The following FYN variants were observed in gnomAD, a reference collection of about 807,000 sequenced individuals.
FYN encodes tyrosine-protein kinase Fyn.
Under a neutral mutation model 70.2 loss-of-function variants are expected in FYN, and 10 were observed. The ratio of observed to expected loss-of-function variants is 0.14; its 90% CI spans 0.09 to 0.24. FYN has a LOEUF of 0.24. Among genes scored for constraint, FYN ranks in the 10% least tolerant of loss-of-function variants. The pLI is 1.00. For synonymous variants in FYN, 236 were observed against 248.6 expected (o/e 0.95, Z 0.48); for missense variants, 319 against 673.1 (o/e 0.47, Z 5.82).
At chr6:111,839,884 G>C (rs1333921152) in intron 2 of FYN, among the ~76,000 whole-genome samples, 1 of 152,112 alleles carries the variant, frequency 6.6e-6, no homozygotes, top group Non-Finnish European at 1.5e-5. Flanking sequence ...CTCTGCTCCA[G>C]ACTCGGGTGA....
intron 12 of FYN, among the ~76,000 whole-genome samples, chr6:111,687,472 C>A (rs1356427530): frequency 3.9e-5 from 6 of 151,994 alleles, no homozygotes. Flanking sequence ...ACAAACCAAC[C>A]AAAACCATAG....
intron 3 of FYN, among the ~76,000 whole-genome samples, chr6:111,771,455 A>T (rs773042554): frequency 3.3e-5 from 5 of 152,194 alleles, no homozygotes; most frequent in African/African-American, 4.8e-5. Context: ...TAACACCTTA[A>T]CCTATTAAGT....
At chr6:111,724,909 C>T (rs1801126066) in intron 3 of FYN, among the ~76,000 whole-genome samples, 1 of 152,036 alleles carries the variant, frequency 6.6e-6, no homozygotes, top group Admixed American at 6.5e-5. Context: ...AACCTAGAAA[C>T]CAAATGCAAG....
chr6:111,727,570 G>C (rs143259085), intron 3 of FYN, among the ~76,000 whole-genome samples: 11 of 152,288 alleles, frequency 7.2e-5, no homozygotes, highest in Admixed American at 2.0e-4. Flanking sequence ...AGATGTAAAA[G>C]TGGGAATATA....
At chr6:111,713,987 C>A (rs191696351) in intron 5 of FYN, among the ~76,000 whole-genome samples, 1 of 152,204 alleles carries the variant, frequency 6.6e-6, no homozygotes, top group Non-Finnish European at 1.5e-5. Flanking sequence ...GCAGAGAGCA[C>A]GAAACGTGGG....
At chr6:111,676,050 C>T (rs944888889) in intron 12 of FYN, among the ~76,000 whole-genome samples, 2 of 152,068 alleles carry the variant, frequency 1.3e-5, no homozygotes, top group African/African-American at 2.4e-5. Flanking sequence ...AAAATCAGAA[C>T]ATTTCATAGA....
chr6:111,719,722 G>T, intron 4 of FYN, 83 bp downstream of exon 4: 1 of 1,480,892 alleles, frequency 6.8e-7, no homozygotes, highest in Non-Finnish European at 9.2e-7. Flanking sequence ...TCAAAGGGAA[G>T]TGATGGGAAC....
chr6:111,854,081 T>C (rs954470696), intron 1 of FYN, among the ~76,000 whole-genome samples: 6 of 152,192 alleles, frequency 3.9e-5, no homozygotes, highest in South Asian at 2.1e-4. Context: ...TAAGCACTTG[T>C]TCAGATGTTT....
chr6:111,870,472 T>TA (rs1443819969), intron 1 of FYN, among the ~76,000 whole-genome samples: 1 of 152,226 alleles, frequency 6.6e-6, no homozygotes, highest in Non-Finnish European at 1.5e-5. Context: ...GCCTAATTGA[T>TA]ACAGGTGTTG....
intron 3 of FYN, among the ~76,000 whole-genome samples, chr6:111,729,902 C>CT (rs755676646): frequency 1.3e-5 from 2 of 152,114 alleles, no homozygotes; most frequent in Non-Finnish European, 2.9e-5. Flanking sequence ...CAAGAATGTA[C>CT]TTTTTTTATA....
chr6:111,818,284 G>T (rs1346492528), intron 2 of FYN, among the ~76,000 whole-genome samples: 4 of 152,086 alleles, frequency 2.6e-5, no homozygotes, highest in Admixed American at 1.3e-4. Context: ...GCAATTCCTG[G>T]GTGCAATATC....
chr6:111,760,691 AG>A (rs1802969135), intron 3 of FYN, among the ~76,000 whole-genome samples: 1 of 152,214 alleles, frequency 6.6e-6, no homozygotes, highest in South Asian at 2.1e-4. Context: ...GGCTGCAATT[AG>A]GTTTCTTGTG....
intron 2 of FYN, among the ~76,000 whole-genome samples, chr6:111,802,185 A>T (rs996737068): frequency 6.6e-6 from 1 of 152,024 alleles, no homozygotes; most frequent in Admixed American, 6.5e-5. Context: ...CATGATAGTG[A>T]GTTCTCATGA....
chr6:111,804,100 A>C (rs1381985421), intron 2 of FYN, among the ~76,000 whole-genome samples: 1 of 152,226 alleles, frequency 6.6e-6, no homozygotes, highest in East Asian at 1.9e-4. Context: ...GTTTACATCA[A>C]AAGCTGCTAA....
At chr6:111,842,028 T>C (rs981827436) in intron 2 of FYN, among the ~76,000 whole-genome samples, 2 of 151,846 alleles carry the variant, frequency 1.3e-5, no homozygotes, top group Non-Finnish European at 1.5e-5. Flanking sequence ...CATGCATTCT[T>C]GCTCTTTCTC....
intron 12 of FYN, among the ~76,000 whole-genome samples, chr6:111,690,694 G>C (rs1442303651): frequency 6.6e-6 from 1 of 152,148 alleles, no homozygotes. Flanking sequence ...CACTTTACAT[G>C]CATTGTTTCA....
At chr6:111,719,706 C>T in intron 4 of FYN, 99 bp downstream of exon 4, 2 of 1,355,664 alleles carry the variant, frequency 1.5e-6, no homozygotes, top group Non-Finnish European at 2.0e-6. Flanking sequence ...CATGTGAAAC[C>T]CCTAGTCAAA....
chr6:111,860,690 C>T (rs1225267129), intron 1 of FYN, among the ~76,000 whole-genome samples: 1 of 152,164 alleles, frequency 6.6e-6, no homozygotes, highest in African/African-American at 2.4e-5. Flanking sequence ...CTGTCCCTTT[C>T]CCAGGAGCTG....
intron 3 of FYN, among the ~76,000 whole-genome samples, chr6:111,756,725 T>C (rs1051185882): frequency 1.3e-5 from 2 of 152,220 alleles, no homozygotes; most frequent in African/African-American, 4.8e-5. Context: ...CCAATGATCT[T>C]ATCAATAGAT....
Sources: gnomAD v4.1 joint callset for allele counts (sites outside exome capture counted in the v4.1 genomes callset) on GRCh38, gnomAD v4.1.1 for gene constraint, MANE v1.5 for transcripts, NCBI Gene and HGNC (gene_info 2026-07-23, HGNC 2026-07-21) for gene names.